The following DNAH3 variants were observed in gnomAD, a reference collection of about 807,000 sequenced individuals.
DNAH3 encodes the protein dynein axonemal heavy chain 3.
Under a neutral mutation model 432.5 loss-of-function variants are expected in DNAH3, and 332 were observed. That is an observed-to-expected ratio of 0.77 (90% CI 0.70 to 0.84). The LOEUF is 0.84. Ranked by LOEUF, DNAH3 falls within the 40% of genes least tolerant of loss-of-function variation. DNAH3 has a pLI of 0.00. For missense variants in DNAH3, 4,861 were observed against 5,114.0 expected (o/e 0.95, Z 1.51); for synonymous variants, 1,956 against 1,900.2 (o/e 1.03, Z -0.76).
At chr16:20,942,897 GT>G (rs200528905) in intron 58 of DNAH3, among the ~76,000 whole-genome samples, 1 of 151,750 alleles carries the variant, frequency 6.6e-6, no homozygotes, top group African/African-American at 2.4e-5. Flanking sequence ...CAGGTTTTGG[GT>G]TTTTTTTCAT....
At chr16:21,097,256 T>A (rs1255811162) in intron 18 of DNAH3, 99 bp downstream of exon 18, 1 of 1,416,222 alleles carries the variant, frequency 7.1e-7, no homozygotes, top group East Asian at 2.3e-5. Flanking sequence ...TGATTAAAAG[T>A]CCAGCCAGAT....
exon 53 of DNAH3, chr16:20,963,449 A>G (rs2084912357): frequency 6.2e-7 from 1 of 1,614,144 alleles, no homozygotes; most frequent in African/African-American, 1.3e-5. Flanking sequence ...TCAGGCCGCA[A>G]ACATCGAAGG....
exon 2 of DNAH3, chr16:21,146,026 A>G (rs2092778617): frequency 1.2e-6 from 2 of 1,613,850 alleles, no homozygotes; most frequent in Non-Finnish European, 1.7e-6. Flanking sequence ...AAGCAGGCAG[A>G]GGAGGCAGCT....
At chr16:21,017,563 G>C (rs1406386845) in intron 41 of DNAH3, among the ~76,000 whole-genome samples, 1 of 152,160 alleles carries the variant, frequency 6.6e-6, no homozygotes, top group African/African-American at 2.4e-5. Flanking sequence ...CACATACGTT[G>C]ATTGATGTCT....
intron 11 of DNAH3, among the ~76,000 whole-genome samples, chr16:21,119,329 G>C (rs2092281630): frequency 6.6e-6 from 1 of 152,140 alleles, no homozygotes; most frequent in South Asian, 2.1e-4. Context: ...CTGTGAAATG[G>C]AGTCAAGAAC....
intron 25 of DNAH3, 121 bp downstream of exon 25, chr16:21,062,361 C>T (rs75156906): frequency 0.13 from 95,319 of 751,664 alleles, 6,788 homozygotes; most frequent in South Asian, 0.21. Flanking sequence ...GTCGTTACAT[C>T]GTAGAACCCA....
chr16:21,151,044 T>A (rs767072702), intron 1 of DNAH3, among the ~76,000 whole-genome samples, 198 bp from the exon 1 acceptor site: 1 of 152,166 alleles, frequency 6.6e-6, no homozygotes, highest in East Asian at 1.9e-4. Context: ...GCAACAGCAA[T>A]AAAAGACCTT....
At chr16:21,065,849 C>T (rs540339814) in intron 24 of DNAH3, among the ~76,000 whole-genome samples, 8 of 151,966 alleles carry the variant, frequency 5.3e-5, no homozygotes, top group African/African-American at 7.2e-5. Flanking sequence ...TTATTTGAGA[C>T]GGAGTCTTGC....
At chr16:21,067,203 A>ATATGG (rs2090583860) in intron 24 of DNAH3, 80 bp downstream of exon 24, 10 of 1,538,580 alleles carry the variant, frequency 6.5e-6, no homozygotes, top group Non-Finnish European at 9.0e-6. Context: ...GGTTGAAGCC[A>ATATGG]ACTCTTGGCA....
At position 21,131,873 on chromosome 16, in the gene DNAH3, A is replaced by G. The variant is rs189417965; in HGVS notation, c.1082+2386T>C. Among the ~76,000 whole-genome samples, 140 of 145,520 alleles carry G rather than the reference A, an allele frequency of 9.6e-4. 1 individual carries two copies. The highest frequency in any genetic ancestry group is 4.0e-3 in the South Asian group (18 of 4,514). ...CCATCTCAAAAAAAAAAAAAAAAAA[A>G]GGGGGAGAGAAAGAAAGGAAGAGAG... On this transcript the variant is annotated intron_variant, in intron 7 of 61. Transcript: ENST00000261383.
intron 36 of DNAH3, among the ~76,000 whole-genome samples, chr16:21,033,342 C>G (rs895834947): frequency 6.6e-6 from 1 of 152,144 alleles, no homozygotes. Context: ...GACACACACA[C>G]GAAAAAACCC....
intron 28 of DNAH3, among the ~76,000 whole-genome samples, chr16:21,053,357 G>A (rs1488941605): frequency 1.3e-5 from 2 of 152,176 alleles, no homozygotes; most frequent in African/African-American, 4.8e-5. Context: ...GTATAGGGCA[G>A]GAGTATGGTA....
intron 35 of DNAH3, among the ~76,000 whole-genome samples, chr16:21,034,469 G>C (rs1377139691): frequency 6.6e-6 from 1 of 152,070 alleles, no homozygotes; most frequent in Non-Finnish European, 1.5e-5. Context: ...TTGCAGACAG[G>C]GCTATTTGAC....
At chr16:21,037,047 C>T (rs2089206164) in intron 34 of DNAH3, among the ~76,000 whole-genome samples, 199 bp from the exon 35 acceptor site, 1 of 152,120 alleles carries the variant, frequency 6.6e-6, no homozygotes, top group Non-Finnish European at 1.5e-5. Flanking sequence ...GCCAGAATCC[C>T]TGTGTAATCC....
chr16:20,965,330 G>A lies in DNAH3; in HGVS notation c.8554C>T (p.Pro2852Ser), dbSNP rs757704047. 11 of 1,606,286 alleles carry A rather than the reference G, an allele frequency of 6.8e-6. No homozygotes were observed. The Admixed American group carries it at 1.4e-4, about 20-fold the overall frequency. ...CGGATCCGCTTCATGGTCAGTGGGG[G>A]GATGTTGTCTTTGTCATATGTCTTA... The change falls in exon 53 of 62, where the codon CCC becomes TCC. Residue 2852 changes from proline (P) to serine (S), a missense_variant. By Grantham distance (74) the Pro-to-Ser change is moderately conservative. Coordinates refer to ENST00000261383, the Ensembl canonical transcript of DNAH3.
intron 41 of DNAH3, among the ~76,000 whole-genome samples, chr16:21,017,890 ATTGTACAGTGAACAT>A (rs1249556391): frequency 1.3e-5 from 2 of 152,268 alleles, no homozygotes; most frequent in South Asian, 2.1e-4. Flanking sequence ...CATGGAAGAC[ATTGTACAGTGAACAT>A]TTGTATACTC....
intron 40 of DNAH3, among the ~76,000 whole-genome samples, chr16:21,020,348 G>GTGTATATATATATATA: frequency 1.7e-3 from 118 of 69,128 alleles, no homozygotes; most frequent in African/African-American, 7.5e-3. Context: ...TATAGTGTGT[G>GTGTATATATATATATA]TATATATATA....
intron 57 of DNAH3, among the ~76,000 whole-genome samples, chr16:20,946,628 A>C (rs553550848): frequency 2.1e-4 from 32 of 152,134 alleles, no homozygotes; most frequent in Admixed American, 1.3e-3. Context: ...ATATATATCT[A>C]CTGGTTTTCA....
intron 9 of DNAH3, among the ~76,000 whole-genome samples, chr16:21,123,750 T>C (rs575552604): frequency 6.6e-6 from 1 of 152,290 alleles, no homozygotes; most frequent in South Asian, 2.1e-4. Context: ...ATTCAGGGAA[T>C]GCTATGGTGC....
Sources: gnomAD v4.1 joint callset for allele counts (sites outside exome capture counted in the v4.1 genomes callset) on GRCh38, gnomAD v4.1.1 for gene constraint, MANE v1.5 for transcripts, NCBI Gene and HGNC (gene_info 2026-07-23, HGNC 2026-07-21) for gene names.